Variants in DHRSX observed in about 807,000 individuals in gnomAD.
DHRSX encodes the protein dehydrogenase/reductase X-linked, also known as polyprenol dehydrogenase.
DHRSX carries 31 observed loss-of-function variants against 34.0 expected under a neutral mutation model. That is an observed-to-expected ratio of 0.91 (90% CI 0.69 to 1.23). The LOEUF (loss-of-function observed/expected upper bound fraction) is 1.23. Ranked by LOEUF, DHRSX falls within the 50% of genes most tolerant of loss-of-function variation. The pLI is 0.00. For synonymous variants in DHRSX, 201 were observed against 183.8 expected (o/e 1.09, Z -0.76); for missense variants, 414 against 428.1 (o/e 0.97, Z 0.29).
intron 1 of DHRSX, among the ~76,000 whole-genome samples, chrX:2,456,813 C>T (rs774074361): frequency 1.3e-5 from 2 of 152,086 alleles, no homozygotes; most frequent in South Asian, 2.1e-4. Flanking sequence ...TCCAGAAATC[C>T]GAAGATTCAG....
intron 4 of DHRSX, among the ~76,000 whole-genome samples, chrX:2,269,769 A>C (rs1024282574): frequency 6.6e-6 from 1 of 152,092 alleles, no homozygotes; most frequent in African/African-American, 2.4e-5. Context: ...CAAACTCCTG[A>C]CCTCAGGGGA....
intron 4 of DHRSX, among the ~76,000 whole-genome samples, chrX:2,272,346 A>G (rs994934435): frequency 2.0e-5 from 3 of 152,084 alleles, no homozygotes; most frequent in African/African-American, 7.2e-5. Flanking sequence ...CTTATCATGA[A>G]CACCTGGCTT....
intron 1 of DHRSX, among the ~76,000 whole-genome samples, chrX:2,478,031 A>T (rs1334340256): frequency 6.6e-6 from 1 of 152,204 alleles, no homozygotes; most frequent in Non-Finnish European, 1.5e-5. Flanking sequence ...CATCTCCAGA[A>T]ATCCGAAGAT....
chrX:2,428,707 C>T (rs1214306436), intron 1 of DHRSX, among the ~76,000 whole-genome samples: 1 of 152,108 alleles, frequency 6.6e-6, no homozygotes, highest in Admixed American at 6.6e-5. Context: ...CACCATGGCA[C>T]GTGTATACCT....
At chrX:2,423,311 G>T (rs978491941) in intron 2 of DHRSX, among the ~76,000 whole-genome samples, 6 of 152,116 alleles carry the variant, frequency 3.9e-5, no homozygotes, top group African/African-American at 1.4e-4. Flanking sequence ...TACTCTGGAG[G>T]CTGAGGCAGG....
chrX:2,410,429 T>G (rs978301722), intron 2 of DHRSX, among the ~76,000 whole-genome samples: 10 of 152,164 alleles, frequency 6.6e-5, no homozygotes, highest in African/African-American at 2.4e-4. Context: ...GGCCGGTCTA[T>G]CTCCATCCTA....
chrX:2,396,661 G>C (rs2043414968), intron 3 of DHRSX, among the ~76,000 whole-genome samples: 1 of 151,694 alleles, frequency 6.6e-6, no homozygotes, highest in African/African-American at 2.4e-5. Flanking sequence ...ACTTTCTGAA[G>C]ACTCTAGGGG....
intron 3 of DHRSX, among the ~76,000 whole-genome samples, chrX:2,324,685 T>A (rs1419962339): frequency 6.6e-6 from 1 of 151,514 alleles, no homozygotes; most frequent in Non-Finnish European, 1.5e-5. Context: ...CAACTCAGAG[T>A]CTGCCAGTGA....
chrX:2,455,166 G>A (rs1180198627), intron 1 of DHRSX, among the ~76,000 whole-genome samples: 1 of 151,654 alleles, frequency 6.6e-6, no homozygotes, highest in Non-Finnish European at 1.5e-5. Context: ...GGAGGTGGAG[G>A]CCATTATCCT....
intron 3 of DHRSX, among the ~76,000 whole-genome samples, chrX:2,292,770 T>C (rs771644755): frequency 8.6e-5 from 13 of 151,788 alleles, no homozygotes; most frequent in African/African-American, 3.1e-4. Context: ...GAATTTTATA[T>C]AATAATAAAA....
rs551528391 is a variant in DHRSX, at chrX:2,271,871, G to A, written c.389-4924C>T. ...AGCTTGGCCAACATGGAGAAACCTTGTCTCTACTAAAAATACAAAATTAGC... is the reference window on the plus strand; with the variant it reads ...AGCTTGGCCAACATGGAGAAACCTTATCTCTACTAAAAATACAAAATTAGC... On this transcript the variant is annotated intron_variant, in intron 4 of 6. Coordinates refer to ENST00000334651, the MANE Select transcript of DHRSX (RefSeq NM_145177.3). Among the ~76,000 whole-genome samples the A allele has an allele frequency of 2.0e-5, 3 of 152,086 alleles. No homozygotes were observed. In the South Asian group the frequency reaches 6.2e-4, roughly 32 times the overall value.
At chrX:2,432,518 G>A (rs2043940026) in intron 1 of DHRSX, among the ~76,000 whole-genome samples, 1 of 152,144 alleles carries the variant, frequency 6.6e-6, no homozygotes. Context: ...AGGCATTAAT[G>A]GAGGAAGGAA....
At chrX:2,265,556 G>A (rs1406489858) in intron 5 of DHRSX, among the ~76,000 whole-genome samples, 5 of 136,222 alleles carry the variant, frequency 3.7e-5, no homozygotes, top group African/African-American at 8.4e-5. Flanking sequence ...CAGAGCACCA[G>A]TGCTCAGCAG....
chrX:2,413,183 G>A (rs1393925358), intron 2 of DHRSX, among the ~76,000 whole-genome samples: 2 of 152,026 alleles, frequency 1.3e-5, no homozygotes, highest in Non-Finnish European at 1.5e-5. Flanking sequence ...GACAGAGTGA[G>A]ACTCCATCTC....
At position 2,325,772 on chromosome X, in the gene DHRSX, C is replaced by G. The variant is rs1368716511; in HGVS notation, c.287-34169G>C. On this transcript the variant is annotated intron_variant, in intron 3 of 6. Coordinates refer to ENST00000334651, the MANE Select transcript of DHRSX (RefSeq NM_145177.3). Reference sequence around the variant, plus strand: ...TGAGACACCGCCTCCTCAAACTGGACTATAAAATCCATCACATTTGGTGCC... The same window carrying G: ...TGAGACACCGCCTCCTCAAACTGGAGTATAAAATCCATCACATTTGGTGCC... Among the ~76,000 whole-genome samples the G allele has an allele frequency of 3.9e-5, 6 of 152,204 alleles. No homozygotes were observed. The South Asian group carries it at 8.3e-4, about 21-fold the overall frequency.
chrX:2,290,236 T>C (rs2041849969), intron 4 of DHRSX, among the ~76,000 whole-genome samples: 1 of 152,006 alleles, frequency 6.6e-6, no homozygotes, highest in Non-Finnish European at 1.5e-5. Context: ...TCATCCACTT[T>C]CCTATCCTCC....
intron 3 of DHRSX, among the ~76,000 whole-genome samples, chrX:2,382,198 G>A (rs780315602): frequency 7.9e-5 from 12 of 152,200 alleles, no homozygotes; most frequent in African/African-American, 2.9e-4. Flanking sequence ...GCTTGGCTGA[G>A]CCAAGGGAGC....
chrX:2,315,049 T>TCAG (rs1009496768), intron 3 of DHRSX, among the ~76,000 whole-genome samples: 1 of 151,796 alleles, frequency 6.6e-6, no homozygotes, highest in African/African-American at 2.4e-5. Flanking sequence ...TCCCAGCCAC[T>TCAG]CAGCAGGCTG....
chrX:2,364,147 T>C (rs1199617341), intron 3 of DHRSX, among the ~76,000 whole-genome samples: 1 of 152,136 alleles, frequency 6.6e-6, no homozygotes, highest in Non-Finnish European at 1.5e-5. Flanking sequence ...TTACTGCCAT[T>C]GAATGGTAGT....
Sources: gnomAD v4.1 joint callset for allele counts (sites outside exome capture counted in the v4.1 genomes callset) on GRCh38, gnomAD v4.1.1 for gene constraint, MANE v1.5 for transcripts, NCBI Gene and HGNC (gene_info 2026-07-23, HGNC 2026-07-21) for gene names.